Variants in DLGAP1 observed in about 807,000 individuals in gnomAD.
DLGAP1 encodes DLG associated protein 1.
DLGAP1 carries 11 observed loss-of-function variants against 90.8 expected under a neutral mutation model. The observed-to-expected ratio is 0.12, with a 90% confidence interval of 0.08 to 0.20. DLGAP1 has a LOEUF of 0.20. Among genes scored for constraint, DLGAP1 ranks in the 10% least tolerant of loss-of-function variants. The pLI is 1.00. For synonymous variants in DLGAP1, 558 were observed against 540.7 expected (o/e 1.03, Z -0.44); for missense variants, 1,050 against 1,333.8 (o/e 0.79, Z 3.31).
intron 10 of DLGAP1, 118 bp downstream of exon 10, chr18:3,534,076 G>C: frequency 8.8e-7 from 1 of 1,140,760 alleles, no homozygotes; most frequent in East Asian, 2.5e-5. Flanking sequence ...TCTGGTTTGG[G>C]GTGTGGAACG....
intron 8 of DLGAP1, among the ~76,000 whole-genome samples, chr18:3,581,023 C>T (rs1156253703): frequency 6.6e-6 from 1 of 152,132 alleles, no homozygotes; most frequent in African/African-American, 2.4e-5. Flanking sequence ...CTGTCTGTGT[C>T]CTTCCAACCC....
At chr18:3,779,996 C>G (rs926453681) in intron 5 of DLGAP1, among the ~76,000 whole-genome samples, 1 of 151,974 alleles carries the variant, frequency 6.6e-6, no homozygotes, top group African/African-American at 2.4e-5. Flanking sequence ...ATATGTTGGC[C>G]AGGCTGGTCT....
At position 3,729,277 on chromosome 18, in the gene DLGAP1, C is replaced by A. The variant is rs200155937; in HGVS notation, c.1449G>T (p.Met483Ile). The A allele has an allele frequency of 6.2e-7, 1 of 1,614,126 alleles. No homozygotes were observed. Among genetic ancestry groups the A allele is most frequent in the South Asian group, 1.1e-5 (1 of 91,082 alleles). Reference sequence around the variant, plus strand: ...GGCTCCGCATGCGGAAGCAGCCGGGCATGGGCAGGTCCAGCGCTTCCACGG... The same window carrying A: ...GGCTCCGCATGCGGAAGCAGCCGGGAATGGGCAGGTCCAGCGCTTCCACGG... ...SQAVEALDLP[M>I]PGCFRMRSHS... Residue 483 changes from methionine to isoleucine, a missense_variant, in exon 7 of 13, where the codon ATG becomes ATT. This residue lies in a region of DLGAP1 where 565 missense variants were observed against 879.7 expected (regional missense o/e 0.64). Transcript: ENST00000315677. This position sits in a 1 kb window ranked among gnomAD's most constrained non-coding sequence, Gnocchi z 6.2.
intron 7 of DLGAP1, among the ~76,000 whole-genome samples, chr18:3,666,970 C>T (rs2059906638): frequency 6.6e-6 from 1 of 152,098 alleles, no homozygotes; most frequent in Non-Finnish European, 1.5e-5. Flanking sequence ...GATGAGGTCT[C>T]ACTGTGTTGT....
chr18:4,305,560 A>G lies in DLGAP1; in HGVS notation c.-267+149446T>C, dbSNP rs577081652. Among the ~76,000 whole-genome samples the G allele has an allele frequency of 3.3e-5, 5 of 151,854 alleles. No individual in the cohort carries two copies. The South Asian group carries it at 8.3e-4, about 25-fold the overall frequency. On this transcript the variant is annotated intron_variant, in intron 1 of 12. Coordinates refer to ENST00000315677, the MANE Select transcript of DLGAP1 (RefSeq NM_004746.4). ...AAAAAAAAAAAAAAAAAGGAAAAAG[A>G]AAAAGAAAAACCACAGGTCATTTAG...
intron 3 of DLGAP1, among the ~76,000 whole-genome samples, chr18:3,901,056 T>G (rs1431316976): frequency 6.6e-6 from 1 of 152,034 alleles, no homozygotes; most frequent in Non-Finnish European, 1.5e-5. Flanking sequence ...CTCGTGATCT[T>G]GCTGTGAACG....
intron 1 of DLGAP1, among the ~76,000 whole-genome samples, chr18:4,253,339 GAAAA>G (rs2078822227): frequency 1.3e-5 from 2 of 152,142 alleles, no homozygotes; most frequent in Admixed American, 1.3e-4. Context: ...GTGAGAAAAG[GAAAA>G]TAATATTCTG....
intron 9 of DLGAP1, among the ~76,000 whole-genome samples, chr18:3,551,240 T>C (rs938009124): frequency 2.1e-5 from 3 of 139,836 alleles, no homozygotes; most frequent in African/African-American, 5.2e-5. Flanking sequence ...ATTTTTCAGT[T>C]CTGCTACTAT....
intron 1 of DLGAP1, among the ~76,000 whole-genome samples, chr18:4,182,104 A>C (rs1010390039): frequency 6.6e-6 from 1 of 152,134 alleles, no homozygotes; most frequent in African/African-American, 2.4e-5. Context: ...AGCCGTGGAA[A>C]AAGTGCATGC....
intron 1 of DLGAP1, among the ~76,000 whole-genome samples, chr18:4,351,682 G>A (rs1393037581): frequency 1.3e-5 from 2 of 152,168 alleles, no homozygotes; most frequent in Non-Finnish European, 2.9e-5. Context: ...TGAGTAGCTA[G>A]TCAGTTATCA....
chr18:4,279,076 A>C (rs889097027), intron 1 of DLGAP1, among the ~76,000 whole-genome samples: 1 of 152,244 alleles, frequency 6.6e-6, no homozygotes, highest in Non-Finnish European at 1.5e-5. Context: ...TGCAAAGGCA[A>C]TGGTTACATG....
rs537478933 is a variant in DLGAP1 at position 3,601,387 on chromosome 18, A to G, written c.1592-19139T>C. Among the ~76,000 whole-genome samples the G allele has an allele frequency of 6.4e-4, 97 of 152,016 alleles. 1 individual carries two copies. Among genetic ancestry groups the G allele is most frequent in the Non-Finnish European group, 3.1e-4 (21 of 67,978 alleles). On this transcript the variant is annotated intron_variant, in intron 7 of 12. Transcript: ENST00000315677. The stretch of plus-strand genomic sequence containing the variant: ...AGGTGTGAGCCACTGCGCCTGGCCC[A>G]GAATGGAGTAATCTGATGTGGTCTT...
At chr18:4,088,810 C>A (rs143680049) in intron 2 of DLGAP1, among the ~76,000 whole-genome samples, 1 of 152,058 alleles carries the variant, frequency 6.6e-6, no homozygotes, top group African/African-American at 2.4e-5. Context: ...CTCAAAATAA[C>A]AAGAGCCATT....
chr18:4,041,537 A>G (rs2149149009), intron 2 of DLGAP1, among the ~76,000 whole-genome samples: 1 of 152,294 alleles, frequency 6.6e-6, no homozygotes, highest in East Asian at 1.9e-4. Flanking sequence ...TATCTTCTGT[A>G]TTTTACTGAT....
intron 7 of DLGAP1, among the ~76,000 whole-genome samples, chr18:3,642,126 G>A (rs73383014): frequency 0.039 from 5,883 of 152,082 alleles, 276 homozygotes; most frequent in East Asian, 0.19. Flanking sequence ...ACACTCCTCC[G>A]CTACTCCCTC....
At chr18:4,094,329 C>T (rs2075636516) in intron 2 of DLGAP1, among the ~76,000 whole-genome samples, 1 of 152,010 alleles carries the variant, frequency 6.6e-6, no homozygotes, top group Non-Finnish European at 1.5e-5. Context: ...TAATTTTTGT[C>T]ACATTTCTGA....
intron 3 of DLGAP1, among the ~76,000 whole-genome samples, chr18:3,952,452 T>A (rs2073007007): frequency 6.6e-6 from 1 of 152,162 alleles, no homozygotes; most frequent in African/African-American, 2.4e-5. Context: ...ATTAACCAGG[T>A]GCCTGAATGG....
intron 2 of DLGAP1, among the ~76,000 whole-genome samples, chr18:4,055,355 G>A (rs2075198372): frequency 6.6e-6 from 1 of 152,180 alleles, no homozygotes; most frequent in African/African-American, 2.4e-5. Context: ...CACCGTGAGA[G>A]TTTGGTGTAC....
chr18:3,667,895 G>T (rs2059937589), intron 7 of DLGAP1, among the ~76,000 whole-genome samples: 1 of 152,110 alleles, frequency 6.6e-6, no homozygotes, highest in Non-Finnish European at 1.5e-5. Context: ...TTGATAAGAG[G>T]CTTATTTCTA....
Sources: gnomAD v4.1 joint callset for allele counts (sites outside exome capture counted in the v4.1 genomes callset) on GRCh38, gnomAD v4.1.1 for gene constraint, gnomAD v4.1.1 regional missense constraint, Gnocchi (gnomAD v3.1) non-coding constraint, MANE v1.5 for transcripts, NCBI Gene and HGNC (gene_info 2026-07-23, HGNC 2026-07-21) for gene names.